The following ARFGEF1 variants were observed in gnomAD, a reference collection of about 807,000 sequenced individuals.
ARFGEF1 encodes brefeldin A-inhibited guanine nucleotide-exchange protein 1.
A neutral mutation model predicts 231.0 loss-of-function variants in ARFGEF1; 42 were observed. The ratio of observed to expected loss-of-function variants is 0.18; its 90% CI spans 0.14 to 0.24. The LOEUF is 0.24. Ranked by LOEUF, ARFGEF1 falls within the 10% of genes least tolerant of loss-of-function variation. The pLI, the probability that ARFGEF1 is intolerant of heterozygous loss-of-function variation, is 1.00. For synonymous variants in ARFGEF1, 710 were observed against 732.3 expected, an observed-to-expected ratio of 0.97 and a Z score of 0.49; for missense variants, 1,345 against 2,192.0, an observed-to-expected ratio of 0.61 and a Z score of 7.72.
At chr8:67,175,466 G>A (rs762942654), downstream of ARFGEF1, 3 of 1,613,224 alleles carry the variant, frequency 1.9e-6, no homozygotes, top group South Asian at 2.2e-5. Flanking sequence ...GTGTCAAATA[G>A]TATCAGCACG....
chr8:67,222,063 T>C (rs140970262), intron 29 of ARFGEF1, among the ~76,000 whole-genome samples: 3,737 of 150,680 alleles, frequency 0.025, 172 homozygotes, highest in African/African-American at 0.086. Flanking sequence ...TCCGCCCACC[T>C]TGGCCTCCCA....
At chr8:67,200,264 G>C in intron 38 of ARFGEF1, 132 bp downstream of exon 38, 2 of 738,762 alleles carry the variant, frequency 2.7e-6, no homozygotes, top group Non-Finnish European at 5.0e-6. Flanking sequence ...TGGTGGCTTT[G>C]CACAAGCAGC....
At chr8:67,304,290 C>T (rs547014355) in intron 1 of ARFGEF1, among the ~76,000 whole-genome samples, 1 of 152,368 alleles carries the variant, frequency 6.6e-6, no homozygotes, top group East Asian at 1.9e-4. Context: ...CAAATTTACT[C>T]ATTGCCTACT....
chr8:67,180,321 A>G (rs1322736606), intron 5 of ARFGEF1, among the ~76,000 whole-genome samples: 1 of 152,218 alleles, frequency 6.6e-6, no homozygotes, highest in African/African-American at 2.4e-5. Context: ...AGTCTGAGCA[A>G]AAAAGACAAT....
At chr8:67,223,057 A>G (rs913393309) in intron 29 of ARFGEF1, among the ~76,000 whole-genome samples, 4 of 152,258 alleles carry the variant, frequency 2.6e-5, no homozygotes, top group African/African-American at 9.6e-5. Context: ...TGCATTGCAG[A>G]GAACATACTC....
chr8:67,332,449 C>T (rs1360812357), intron 1 of ARFGEF1, among the ~76,000 whole-genome samples: 1 of 152,168 alleles, frequency 6.6e-6, no homozygotes, highest in East Asian at 1.9e-4. Context: ...AAATTACTGA[C>T]ACTTTACTTT....
At chr8:67,284,478 C>G (rs1805667748) in intron 7 of ARFGEF1, among the ~76,000 whole-genome samples, 1 of 151,990 alleles carries the variant, frequency 6.6e-6, no homozygotes, top group African/African-American at 2.4e-5. Flanking sequence ...AAAAACGAAC[C>G]AATAAAATAA....
chr8:67,219,869 C>G (rs1263083778), intron 29 of ARFGEF1, among the ~76,000 whole-genome samples: 1 of 152,042 alleles, frequency 6.6e-6, no homozygotes, highest in Non-Finnish European at 1.5e-5. Context: ...AAAGGATAAC[C>G]GTTTGAGTGA....
At chr8:67,243,695 AG>A (rs1215861266) in intron 19 of ARFGEF1, among the ~76,000 whole-genome samples, 1 of 152,200 alleles carries the variant, frequency 6.6e-6, no homozygotes, top group African/African-American at 2.4e-5. Flanking sequence ...AATTACTCAA[AG>A]CCCAGACATC....
intron 19 of ARFGEF1, among the ~76,000 whole-genome samples, chr8:67,244,266 A>AAAAAAAAAAAAAAACCAAAAC (rs1563860748): frequency 5.8e-5 from 1 of 17,208 alleles, no homozygotes; most frequent in African/African-American, 2.9e-4. Context: ...AAAAAAAAAA[A>AAAAAAAAAAAAAAACCAAAAC]AACATTCGAC....
downstream of ARFGEF1, chr8:67,195,363 T>C (rs1837714881): frequency 6.3e-7 from 1 of 1,582,108 alleles, no homozygotes; most frequent in Non-Finnish European, 8.7e-7. Context: ...CTGAGCCACG[T>C]GTCCCTTGCC....
chr8:67,187,561 G>T (rs1835023670), intron 5 of ARFGEF1, among the ~76,000 whole-genome samples: 1 of 152,098 alleles, frequency 6.6e-6, no homozygotes, highest in South Asian at 2.1e-4. Context: ...GCACACACCT[G>T]AAGTCCTAGC....
chr8:67,306,492 T>A (rs1247576246), intron 1 of ARFGEF1, among the ~76,000 whole-genome samples: 1 of 152,174 alleles, frequency 6.6e-6, no homozygotes, highest in African/African-American at 2.4e-5. Context: ...TTATACCTGA[T>A]CTCCTAAGTA....
At chr8:67,210,297 G>C (rs979955669) in intron 34 of ARFGEF1, among the ~76,000 whole-genome samples, 1 of 151,604 alleles carries the variant, frequency 6.6e-6, no homozygotes, top group Non-Finnish European at 1.5e-5. Context: ...GGGCAACATG[G>C]CAAAACCCTG....
chr8:67,216,755 A>G, intron 32 of ARFGEF1, 93 bp from the exon 33 acceptor site: 1 of 916,502 alleles, frequency 1.1e-6, no homozygotes, highest in Non-Finnish European at 1.6e-6. Flanking sequence ...AGTAACAAGA[A>G]CATACCAACT....
intron 29 of ARFGEF1, among the ~76,000 whole-genome samples, chr8:67,222,215 A>G (rs1400431582): frequency 2.4e-5 from 3 of 126,040 alleles, no homozygotes; most frequent in South Asian, 2.6e-4. Flanking sequence ...ACACACACAT[A>G]TATATATATG....
intron 1 of ARFGEF1, among the ~76,000 whole-genome samples, chr8:67,337,128 CAAAAAAAAAA>C (rs1160016610): frequency 1.1e-4 from 6 of 55,000 alleles, no homozygotes; most frequent in South Asian, 7.8e-4. Context: ...GACGCCGTCT[CAAAAAAAAAA>C]AAAAAAAAAA....
chr8:67,239,126 C>A (rs1193647400), intron 20 of ARFGEF1, among the ~76,000 whole-genome samples: 1 of 152,074 alleles, frequency 6.6e-6, no homozygotes, highest in Non-Finnish European at 1.5e-5. Flanking sequence ...TCTGCCTCAG[C>A]CTCCCGAGTA....
At chr8:67,310,250 G>A (rs7464980) in intron 1 of ARFGEF1, among the ~76,000 whole-genome samples, 37,880 of 151,648 alleles carry the variant, frequency 0.25, 5,038 homozygotes, top group East Asian at 0.38. Context: ...TGCGATTGCA[G>A]GCACGCGCCA....
Sources: gnomAD v4.1 joint callset for allele counts (sites outside exome capture counted in the v4.1 genomes callset) on GRCh38, gnomAD v4.1.1 for gene constraint, MANE v1.5 for transcripts, NCBI Gene and HGNC (gene_info 2026-07-23, HGNC 2026-07-21) for gene names.